Variants in LRCH1 observed in about 807,000 individuals in gnomAD.
The protein encoded by LRCH1 is leucine-rich repeat and calponin homology domain-containing protein 1.
In LRCH1, 23 loss-of-function variants were observed where a neutral mutation model predicts 94.9. That is an observed-to-expected ratio of 0.24 (90% confidence interval 0.17 to 0.34). The LOEUF (loss-of-function observed/expected upper bound fraction) is 0.34. Ranked by LOEUF, LRCH1 falls within the 10% of genes least tolerant of loss-of-function variation. The pLI, the probability that LRCH1 is intolerant of heterozygous loss-of-function variation, is 1.00. For synonymous variants in LRCH1, 364 were observed against 354.9 expected (o/e 1.03, Z -0.29); for missense variants, 790 against 945.9 (o/e 0.84, Z 2.16).
At chr13:46,652,827 C>G (rs527849640) in intron 2 of LRCH1, among the ~76,000 whole-genome samples, 3 of 152,128 alleles carry the variant, frequency 2.0e-5, no homozygotes, top group Non-Finnish European at 4.4e-5. Flanking sequence ...CATTGAGAAA[C>G]TTTTGGGTAT....
chr13:46,630,441 G>A (rs558050533), intron 1 of LRCH1, among the ~76,000 whole-genome samples: 2 of 152,330 alleles, frequency 1.3e-5, no homozygotes, highest in Admixed American at 6.5e-5. Context: ...AGCAATGGGG[G>A]ACTTAAGCTC....
intron 2 of LRCH1, among the ~76,000 whole-genome samples, chr13:46,661,200 C>T (rs1475056670): frequency 6.6e-6 from 1 of 152,118 alleles, no homozygotes; most frequent in Admixed American, 6.6e-5. Context: ...AGAATTTGAT[C>T]TAAAGCCTGA....
chr13:46,621,731 A>G, intron 1 of LRCH1, among the ~76,000 whole-genome samples: 1 of 152,360 alleles, frequency 6.6e-6, no homozygotes, highest in Admixed American at 6.5e-5. Flanking sequence ...TTATACAATT[A>G]TATAAAGCGC....
chr13:46,740,953 T>C (rs1873621648), intron 19 of LRCH1, among the ~76,000 whole-genome samples: 1 of 152,236 alleles, frequency 6.6e-6, no homozygotes, highest in Non-Finnish European at 1.5e-5. Context: ...GCAATTTACA[T>C]AGTAACTCCA....
chr13:46,652,695 G>T (rs1176151106), intron 2 of LRCH1, among the ~76,000 whole-genome samples: 1 of 152,202 alleles, frequency 6.6e-6, no homozygotes, highest in Non-Finnish European at 1.5e-5. Flanking sequence ...GGGAAAGCAT[G>T]TGTAGTTGGT....
At chr13:46,630,201 C>T (rs983104462) in intron 1 of LRCH1, among the ~76,000 whole-genome samples, 4 of 152,156 alleles carry the variant, frequency 2.6e-5, no homozygotes, top group Non-Finnish European at 4.4e-5. Flanking sequence ...TGGAAAGTCT[C>T]AGAGCTTATC....
intron 1 of LRCH1, among the ~76,000 whole-genome samples, chr13:46,558,735 A>G (rs1594242633): frequency 6.6e-6 from 1 of 152,022 alleles, no homozygotes; most frequent in East Asian, 1.9e-4. Flanking sequence ...TCTGTCTCAA[A>G]CAAACAAACA....
chr13:46,671,485 G>A (rs150346712), intron 3 of LRCH1, among the ~76,000 whole-genome samples: 2 of 152,348 alleles, frequency 1.3e-5, no homozygotes, highest in Admixed American at 6.5e-5. Context: ...GGCTGGGGCA[G>A]ATTGTGAAGA....
chr13:46,692,580 C>G lies in LRCH1; in HGVS notation c.1059C>G (p.Asn353Lys). ...DTVSLNVPMS[N>K]IMEEEQIIKE... Reference sequence around the variant, plus strand: ...TTAGCCTCAATGTGCCAATGTCAAACATCATGGAAGAAGAACAGATCATCA... The same window carrying G: ...TTAGCCTCAATGTGCCAATGTCAAAGATCATGGAAGAAGAACAGATCATCA... Residue 353 changes from asparagine (N) to lysine (K), a missense_variant, in exon 8 of 20, where the codon AAC (asparagine) becomes AAG (lysine). Transcript: ENST00000389797. The G allele has an allele frequency of 6.2e-7, 1 of 1,614,080 alleles. No homozygotes were observed. Among genetic ancestry groups the G allele is most frequent in the Non-Finnish European group, 8.5e-7 (1 of 1,179,978 alleles).
At chr13:46,734,617 C>G (rs564700946) in intron 19 of LRCH1, among the ~76,000 whole-genome samples, 2 of 152,216 alleles carry the variant, frequency 1.3e-5, no homozygotes, top group Non-Finnish European at 2.9e-5. Flanking sequence ...TTTTTTCTCT[C>G]TCCAACCTCG....
intron 1 of LRCH1, among the ~76,000 whole-genome samples, chr13:46,643,696 T>A (rs2051187033): frequency 1.3e-5 from 2 of 152,024 alleles, no homozygotes; most frequent in South Asian, 2.1e-4. Flanking sequence ...AACATGCCCA[T>A]TTTTTTTGCA....
chr13:46,622,836 T>C (rs2050895914), intron 1 of LRCH1, among the ~76,000 whole-genome samples: 1 of 152,242 alleles, frequency 6.6e-6, no homozygotes, highest in Non-Finnish European at 1.5e-5. Context: ...AGTTGGCTTT[T>C]CTGTTGAGAA....
chr13:46,585,303 C>A (rs924375859), intron 1 of LRCH1, among the ~76,000 whole-genome samples: 1 of 152,156 alleles, frequency 6.6e-6, no homozygotes, highest in Non-Finnish European at 1.5e-5. Context: ...TAGAGCCGGG[C>A]GTGGTGGCTC....
chr13:46,661,775 A>G (rs1459446155), intron 2 of LRCH1, among the ~76,000 whole-genome samples: 1 of 152,202 alleles, frequency 6.6e-6, no homozygotes, highest in African/African-American at 2.4e-5. Flanking sequence ...GTAAATGGCA[A>G]TATGCAGGCA....
chr13:46,672,459 C>T (rs12864629), intron 3 of LRCH1, among the ~76,000 whole-genome samples: 3,447 of 152,160 alleles, frequency 0.023, 63 homozygotes, highest in Non-Finnish European at 0.036. Context: ...TAAATGACAC[C>T]GCATGCCTTC....
intron 1 of LRCH1, among the ~76,000 whole-genome samples, chr13:46,581,971 G>A (rs1270990145): frequency 1.3e-5 from 2 of 152,066 alleles, no homozygotes; most frequent in Non-Finnish European, 2.9e-5. Flanking sequence ...CCAATATGGC[G>A]AAACCCCCTT....
At chr13:46,705,547 T>TG (rs1314758348) in intron 13 of LRCH1, 5 of 641,834 alleles carry the variant, frequency 7.8e-6, no homozygotes, top group Admixed American at 6.8e-5. Context: ...TTCTGTAGAT[T>TG]TTTTTACCTC....
chr13:46,628,598 A>G (rs1251528121), intron 1 of LRCH1, among the ~76,000 whole-genome samples: 1 of 148,166 alleles, frequency 6.7e-6, no homozygotes, highest in Non-Finnish European at 1.5e-5. Context: ...CAGAGGTTGC[A>G]GTGAGCCGAG....
At chr13:46,633,779 T>C (rs1343439641) in intron 1 of LRCH1, among the ~76,000 whole-genome samples, 1 of 152,138 alleles carries the variant, frequency 6.6e-6, no homozygotes, top group African/African-American at 2.4e-5. Context: ...ACTCTCTACT[T>C]GGTTGCTCCA....
Sources: allele counts gnomAD v4.1 joint callset (sites outside exome capture counted in the v4.1 genomes callset), GRCh38; gene constraint gnomAD v4.1.1; transcripts MANE v1.5; gene names NCBI Gene and HGNC (gene_info 2026-07-23, HGNC 2026-07-21).